LAPTM4B: variants seen among roughly 807,000 people sequenced by gnomAD.
The protein encoded by LAPTM4B is lysosomal-associated transmembrane protein 4B.
Under a neutral mutation model 28.5 loss-of-function variants are expected in LAPTM4B, and 26 were observed. That is an observed-to-expected ratio of 0.91 (90% CI 0.67 to 1.27). The LOEUF (loss-of-function observed/expected upper bound fraction) is 1.27. Among genes scored for constraint, LAPTM4B ranks in the 50% most tolerant of loss-of-function variants. The pLI is 0.00. For synonymous variants in LAPTM4B, 109 were observed against 106.4 expected, an observed-to-expected ratio of 1.02 and a Z score of -0.15; for missense variants, 288 against 285.8, an observed-to-expected ratio of 1.01 and a Z score of -0.06.
rs547978505 is a variant in LAPTM4B, at chr8:97,829,003, A to G, written c.603+3850A>G. ...GCCTGTCCGGTTAGCAGGGAGGCACATGTAGGTGGAAGAGCTGCAGAGGAA... is the reference window on the plus strand; with the variant it reads ...GCCTGTCCGGTTAGCAGGGAGGCACGTGTAGGTGGAAGAGCTGCAGAGGAA... On this transcript the variant is annotated intron_variant, in intron 6 of 6. Transcript: ENST00000521545. Among the ~76,000 whole-genome samples, 123 of 152,318 alleles carry G rather than the reference A, an allele frequency of 8.1e-4. 1 individual carries two copies. The highest frequency in any genetic ancestry group is 1.4e-3 in the Non-Finnish European group (98 of 68,028).
rs540155508 is a variant in LAPTM4B, at chr8:97,834,332, A to C, written c.603+9179A>C. Among the ~76,000 whole-genome samples the C allele has an allele frequency of 1.4e-4, 21 of 152,224 alleles. No homozygotes were observed. The South Asian group carries it at 3.5e-3, about 26-fold the overall frequency. On this transcript the variant is annotated intron_variant, in intron 6 of 6. Coordinates refer to ENST00000521545, the MANE Select transcript of LAPTM4B (RefSeq NM_018407.6). ...TAAAAAAGGGAGCGCTATTAATGTT[A>C]TGTTGAAAAGTACAACCATTTTGAT...
At chr8:97,834,044 G>A (rs530037825) in intron 6 of LAPTM4B, among the ~76,000 whole-genome samples, 4 of 151,358 alleles carry the variant, frequency 2.6e-5, no homozygotes, top group East Asian at 1.9e-4. Context: ...ATGAAAACTC[G>A]CAGTGGCTCA....
chr8:97,828,315 C>G (rs1017904682), intron 6 of LAPTM4B, among the ~76,000 whole-genome samples: 2 of 151,976 alleles, frequency 1.3e-5, no homozygotes, highest in Admixed American at 6.6e-5. Flanking sequence ...AAGGGAGACC[C>G]TGGGGCAGGG....
At chr8:97,838,689 G>A (rs761137975) in intron 6 of LAPTM4B, among the ~76,000 whole-genome samples, 5 of 152,186 alleles carry the variant, frequency 3.3e-5, no homozygotes, top group African/African-American at 4.8e-5. Context: ...TCTCACCGCC[G>A]TGTCTGGCTG....
chr8:97,785,992 T>C (rs1488424832), intron 1 of LAPTM4B, among the ~76,000 whole-genome samples: 4 of 152,218 alleles, frequency 2.6e-5, no homozygotes, highest in African/African-American at 9.6e-5. Context: ...AATATATTTG[T>C]TTTGTCAATT....
chr8:97,783,967 G>A (rs1816364648), intron 1 of LAPTM4B, among the ~76,000 whole-genome samples: 1 of 152,154 alleles, frequency 6.6e-6, no homozygotes, highest in Non-Finnish European at 1.5e-5. Flanking sequence ...ACCTTCAGAA[G>A]TTGTAGAAGG....
chr8:97,818,319 G>A (rs770097682), intron 4 of LAPTM4B, among the ~76,000 whole-genome samples: 1 of 151,576 alleles, frequency 6.6e-6, no homozygotes, highest in African/African-American at 2.4e-5. Flanking sequence ...TTGGAATATT[G>A]CTCGTGAGGA....
chr8:97,787,521 T>G (rs1280275561), intron 1 of LAPTM4B, among the ~76,000 whole-genome samples: 3 of 152,170 alleles, frequency 2.0e-5, no homozygotes, highest in Non-Finnish European at 4.4e-5. Context: ...CCTGACCTCA[T>G]GATCCATCCG....
intron 2 of LAPTM4B, among the ~76,000 whole-genome samples, chr8:97,810,485 G>A (rs1211402984): frequency 3.9e-5 from 6 of 152,220 alleles, no homozygotes; most frequent in Non-Finnish European, 7.3e-5. Flanking sequence ...AAGGGTATAC[G>A]TGAATTCTGC....
At chr8:97,829,374 T>C (rs1167524383) in intron 6 of LAPTM4B, among the ~76,000 whole-genome samples, 1 of 152,182 alleles carries the variant, frequency 6.6e-6, no homozygotes, top group Non-Finnish European at 1.5e-5. Flanking sequence ...TTGCTACCAA[T>C]GTTTTAAAGA....
chr8:97,844,136 G>T (rs906144833), intron 6 of LAPTM4B, among the ~76,000 whole-genome samples: 1 of 152,090 alleles, frequency 6.6e-6, no homozygotes, highest in South Asian at 2.1e-4. Flanking sequence ...CTGTCATACT[G>T]GCTGGAGTGC....
chr8:97,795,239 A>G (rs1004892664), intron 1 of LAPTM4B, among the ~76,000 whole-genome samples: 2 of 152,232 alleles, frequency 1.3e-5, no homozygotes, highest in African/African-American at 2.4e-5. Context: ...AGCTGGGACC[A>G]CAGGTGCCTA....
At chr8:97,821,119 C>A (rs933416409) in intron 5 of LAPTM4B, among the ~76,000 whole-genome samples, 2 of 151,902 alleles carry the variant, frequency 1.3e-5, no homozygotes, top group African/African-American at 4.8e-5. Context: ...GGGTGGATCA[C>A]GAGATCAGGA....
chr8:97,850,465 G>GGTGTGTGTGTGTGTGTGTGTGTGTGTAT (rs761478917), intron 6 of LAPTM4B, among the ~76,000 whole-genome samples: 1 of 37,850 alleles, frequency 2.6e-5, no homozygotes, highest in African/African-American at 2.0e-4. Context: ...GGAGAGGAGG[G>GGTGTGTGTGTGTGTGTGTGTGTGTGTAT]GTGTGTGTGT....
chr8:97,803,055 C>T (rs771240068), intron 1 of LAPTM4B, among the ~76,000 whole-genome samples: 56 of 151,520 alleles, frequency 3.7e-4, no homozygotes, highest in Non-Finnish European at 6.3e-4. Flanking sequence ...AAAAATTAGC[C>T]GGGTGTGGTG....
intron 1 of LAPTM4B, among the ~76,000 whole-genome samples, chr8:97,777,137 G>GTTTTTTTTT (rs1176218610): frequency 0.011 from 902 of 83,848 alleles, 96 homozygotes; most frequent in Middle Eastern, 0.039. Flanking sequence ...TTTCAGTGAG[G>GTTTTTTTTT]TTTTTTTTTT....
chr8:97,786,188 G>A (rs1028412371), intron 1 of LAPTM4B, among the ~76,000 whole-genome samples: 3 of 152,170 alleles, frequency 2.0e-5, no homozygotes, highest in African/African-American at 7.2e-5. Flanking sequence ...CTGAATGAGA[G>A]TTGTTGAGTT....
intron 5 of LAPTM4B, among the ~76,000 whole-genome samples, chr8:97,823,576 T>C (rs12156218): frequency 0.47 from 71,371 of 151,406 alleles, 17,091 homozygotes; most frequent in East Asian, 0.58. Context: ...GGTTTCACTG[T>C]GTTGGCCAGG....
chr8:97,776,207 C>T (rs1482133036), intron 1 of LAPTM4B, 99 bp downstream of exon 1: 2 of 1,289,150 alleles, frequency 1.6e-6, no homozygotes, highest in Non-Finnish European at 2.0e-6. Context: ...TGCGCTCATC[C>T]GCCTAAAGTT....
Sources: gnomAD v4.1 joint callset for allele counts (sites outside exome capture counted in the v4.1 genomes callset) on GRCh38, gnomAD v4.1.1 for gene constraint, MANE v1.5 for transcripts, NCBI Gene and HGNC (gene_info 2026-07-23, HGNC 2026-07-21) for gene names.